The following CFAP92 variants were observed in gnomAD, a reference collection of about 807,000 sequenced individuals.
CFAP92 encodes the protein cilia and flagella associated protein 92 (putative).
CFAP92 carries 86 observed loss-of-function variants against 106.3 expected under a neutral mutation model. That is an observed-to-expected ratio of 0.81 (90% confidence interval 0.68 to 0.97). The LOEUF is 0.97. CFAP92 is among the 50% of genes least tolerant of loss of function. The pLI, the probability that CFAP92 is intolerant of heterozygous loss-of-function variation, is 0.00. For synonymous variants in CFAP92, 477 were observed against 506.4 expected, an observed-to-expected ratio of 0.94 and a Z score of 0.78; for missense variants, 1,204 against 1,283.8, an observed-to-expected ratio of 0.94 and a Z score of 0.95.
At chr3:128,950,804 C>G (rs1256271744) in intron 9 of CFAP92, among the ~76,000 whole-genome samples, 2 of 152,144 alleles carry the variant, frequency 1.3e-5, no homozygotes, top group Admixed American at 6.5e-5. Flanking sequence ...CATAGCACCC[C>G]CTGCCTAGCA....
At chr3:129,026,168 C>T in the CFAP92 span, among the ~76,000 whole-genome samples, 3 of 152,194 alleles carry the variant, frequency 2.0e-5, no homozygotes, top group African/African-American at 4.8e-5. Context: ...TTGGTATTGT[C>T]GTTGCTGTCC....
intron 3 of CFAP92, 147 bp downstream of exon 3, chr3:128,988,581 T>G (rs753023690): frequency 1.4e-6 from 1 of 729,566 alleles, no homozygotes. Context: ...ATCAGGCCAG[T>G]GCAGATTCCC....
chr3:129,004,041 G>A, upstream of CFAP92: 1 of 1,511,504 alleles, frequency 6.6e-7, no homozygotes. Context: ...TTGCAGCGCT[G>A]GGTGCGGCGG....
At chr3:129,015,592 C>T in the CFAP92 span, among the ~76,000 whole-genome samples, 10 of 152,228 alleles carry the variant, frequency 6.6e-5, no homozygotes, top group Non-Finnish European at 1.0e-4. Flanking sequence ...ACGGCGCCCC[C>T]GAGAGCTGAG....
intron 9 of CFAP92, among the ~76,000 whole-genome samples, chr3:128,956,184 TAA>T (rs369899266): frequency 3.9e-4 from 19 of 49,290 alleles, no homozygotes; most frequent in Admixed American, 1.1e-3. Context: ...AAAAATAAAT[TAA>T]AAAAAAAAAT....
rs1940157447 is a variant in CFAP92 at position 128,945,774 on chromosome 3, C to T, written c.1555G>A (p.Glu519Lys). ...AGCACGGGCTTCTGAGAACACTCCT[C>T]TGACTTGCGGTCCCGGTCGTGAACT... ...VEVHDRDRKS[E>K]ECSQKPVLFG... The change falls in exon 10 of 16, where the codon GAG (glutamate) becomes AAG (lysine). Residue 519 changes from glutamate (E) to lysine (K), a missense_variant. Physicochemically the swap from Glu to Lys is moderately conservative, Grantham distance 56 (BLOSUM62 1). Coordinates refer to ENST00000645291, the MANE Select transcript of CFAP92 (RefSeq NM_001394090.1). 11 of 1,533,174 alleles carry T rather than the reference C, an allele frequency of 7.2e-6. No homozygotes were observed. The Admixed American group carries it at 1.4e-4, about 19-fold the overall frequency. The allele number at this position is 1,533,174 out of a possible 1,614,324, so 95.0% of individuals were successfully genotyped here. A position where few individuals can be genotyped will look rare whatever the true frequency, so the allele number is the denominator to read the frequency against.
At chr3:128,982,447 CT>C (rs1397364000) in intron 4 of CFAP92, among the ~76,000 whole-genome samples, 1 of 152,232 alleles carries the variant, frequency 6.6e-6, no homozygotes, top group African/African-American at 2.4e-5. Flanking sequence ...GTGTGATCTT[CT>C]ATCCAGACCA....
rs778070667 is a variant in CFAP92 at position 128,910,022 on chromosome 3, C to CCAT, written c.*274_*276dup. ...CACTTGGAGCCTCTGTGATCCCAGACCATCATGGAGGAGCAGCTGGTACTG... is the reference window on the plus strand; with the variant it reads ...CACTTGGAGCCTCTGTGATCCCAGACCATCATCATGGAGGAGCAGCTGGTACTG... On this transcript the variant is annotated 3_prime_UTR_variant, in exon 16 of 16. Coordinates refer to ENST00000645291, the MANE Select transcript of CFAP92 (RefSeq NM_001394090.1). 9 of 1,613,366 alleles carry CCAT rather than the reference C, an allele frequency of 5.6e-6. No individual in the cohort carries two copies. Among genetic ancestry groups the CCAT allele is most frequent in the African/African-American group, 2.7e-5 (2 of 74,934 alleles).
intron 10 of CFAP92, among the ~76,000 whole-genome samples, chr3:128,937,183 C>T (rs1160822138): frequency 1.3e-5 from 2 of 151,726 alleles, no homozygotes; most frequent in Non-Finnish European, 2.9e-5. Context: ...CACCTGTAGT[C>T]CTAGCTGCCT....
chr3:128,914,478 G>C (rs944343704), intron 15 of CFAP92, among the ~76,000 whole-genome samples: 1 of 152,226 alleles, frequency 6.6e-6, no homozygotes, highest in African/African-American at 2.4e-5. Context: ...ACGTTCACCT[G>C]ACCTAGTTTT....
At chr3:128,918,861 A>G (rs987829717) in intron 12 of CFAP92, among the ~76,000 whole-genome samples, 1 of 152,162 alleles carries the variant, frequency 6.6e-6, no homozygotes, top group African/African-American at 2.4e-5. Context: ...CGGAGGGTTT[A>G]AAAGTAGATT....
At chr3:128,996,206 G>C (rs750369064), upstream of CFAP92, among the ~76,000 whole-genome samples, 76 of 152,298 alleles carry the variant, frequency 5.0e-4, no homozygotes, top group Admixed American at 4.5e-3. Context: ...AGACATATGA[G>C]AGTGCAAGAC....
At chr3:128,918,646 G>A (rs905894912) in intron 12 of CFAP92, among the ~76,000 whole-genome samples, 16 of 152,188 alleles carry the variant, frequency 1.1e-4, no homozygotes, top group African/African-American at 3.6e-4. Context: ...GACTATAAAA[G>A]GGATGGTGGA....
intron 9 of CFAP92, among the ~76,000 whole-genome samples, chr3:128,951,302 GA>G (rs1379358786): frequency 2.4e-4 from 36 of 152,060 alleles, no homozygotes; most frequent in African/African-American, 8.2e-4. Context: ...AAGAAAGGGG[GA>G]AAAAAATGAA....
intron 2 of CFAP92, among the ~76,000 whole-genome samples, chr3:128,989,852 A>G (rs1023394580): frequency 1.2e-4 from 18 of 152,134 alleles, no homozygotes; most frequent in African/African-American, 3.9e-4. Context: ...GTAGCATTAG[A>G]CCTTTTCTGA....
At chr3:129,010,127 G>T in the CFAP92 span, among the ~76,000 whole-genome samples, 1 of 152,262 alleles carries the variant, frequency 6.6e-6, no homozygotes, top group South Asian at 2.1e-4. This position sits in a 1 kb window ranked among gnomAD's most constrained non-coding sequence, Gnocchi z 4.3. Context: ...TAACGCCTGG[G>T]ACTTCAGCAC....
chr3:128,975,983 C>T (rs1576596876), intron 6 of CFAP92, 80 bp from the exon 7 acceptor site: 1 of 1,422,522 alleles, frequency 7.0e-7, no homozygotes, highest in Non-Finnish European at 9.4e-7. Context: ...TACTGATGGA[C>T]TAAATGAGAG....
Position 128,932,867 on chromosome 3 carries a change from C to T in CFAP92, c.2584G>A (p.Asp862Asn), listed in dbSNP as rs919285326. ...GGTGGTAGGGCAAACAGTTTCTCAT[C>T]TGTGAGTTCTTCTTGCGAAAGGGGC... ...GMPLSQEELT[D>N]EKLFALPPQP... The change falls in exon 12 of 16, where the codon GAT (aspartate) becomes AAT (asparagine). Residue 862 changes from aspartate (D) to asparagine (N), a missense_variant. Physicochemically the swap from Asp to Asn is conservative, Grantham distance 23. Transcript: ENST00000645291. 2.6e-6 allele frequency: 4 copies of T among 1,536,106 alleles called. No individual in the cohort carries two copies. The highest frequency in any genetic ancestry group is 2.6e-6 in the Non-Finnish European group (3 of 1,146,942).
the CFAP92 span, among the ~76,000 whole-genome samples, chr3:129,007,788 G>A: frequency 6.6e-6 from 1 of 152,172 alleles, no homozygotes; most frequent in East Asian, 1.9e-4. Context: ...GTTCATGTTA[G>A]GGCTTCTATT....
Sources: gnomAD v4.1 joint callset for allele counts (sites outside exome capture counted in the v4.1 genomes callset) on GRCh38, gnomAD v4.1.1 for gene constraint, Gnocchi (gnomAD v3.1) non-coding constraint, MANE v1.5 for transcripts, NCBI Gene and HGNC (gene_info 2026-07-23, HGNC 2026-07-21) for gene names.